Variants in FERMT1 observed in about 807,000 individuals in gnomAD.
FERMT1 encodes fermitin family homolog 1.
Under a neutral mutation model 85.3 loss-of-function variants are expected in FERMT1, and 60 were observed. The observed-to-expected ratio is 0.70, with a 90% CI of 0.57 to 0.87. The LOEUF (loss-of-function observed/expected upper bound fraction) is 0.87. Ranked by LOEUF, FERMT1 falls within the 40% of genes least tolerant of loss-of-function variation. The probability of loss-of-function intolerance (pLI) is 0.00; values close to 1 mark genes in which losing one functional copy is unlikely to be tolerated. For synonymous variants in FERMT1, 275 were observed against 301.1 expected, an observed-to-expected ratio of 0.91 and a Z score of 0.90; for missense variants, 701 against 818.9, an observed-to-expected ratio of 0.86 and a Z score of 1.76.
chr20:6,099,494 CA>C (rs944267307), intron 6 of FERMT1, among the ~76,000 whole-genome samples: 25 of 149,736 alleles, frequency 1.7e-4, no homozygotes, highest in African/African-American at 5.9e-4. Flanking sequence ...AAGCCAAATA[CA>C]AAAAAACAAA....
chr20:6,092,756 G>A (rs1451823989), intron 9 of FERMT1, among the ~76,000 whole-genome samples: 3 of 152,048 alleles, frequency 2.0e-5, no homozygotes, highest in African/African-American at 7.2e-5. Flanking sequence ...CTCACTTCCT[G>A]CTTCACACAG....
In FERMT1 at chr20:6,084,194, C is replaced by T. The variant is rs2232076; in HGVS notation, c.1594-30G>A. Reference sequence around the variant, plus strand: ...ACAGAAACAGACATCAACCTCTCTTCACATGCACCGGCTGCTCTGTGATCA... The same window carrying T: ...ACAGAAACAGACATCAACCTCTCTTTACATGCACCGGCTGCTCTGTGATCA... On this transcript the variant is annotated intron_variant, in intron 12 of 14. Coordinates refer to ENST00000217289, the MANE Select transcript of FERMT1 (RefSeq NM_017671.5). 1,966 of 1,593,876 alleles carry T rather than the reference C, an allele frequency of 1.2e-3. 21 individuals carry two copies. In the African/African-American group the frequency reaches 0.02, roughly 16 times the overall value.
At chr20:6,109,322 G>A (rs1259156661) in intron 5 of FERMT1, among the ~76,000 whole-genome samples, 1 of 152,186 alleles carries the variant, frequency 6.6e-6, no homozygotes, top group Non-Finnish European at 1.5e-5. Context: ...TTAAATGACA[G>A]GTAGGGACTG....
chr20:6,096,298 G>A lies in FERMT1; in HGVS notation c.1089+604C>T, dbSNP rs148272201. 4.6e-3 allele frequency among the ~76,000 whole-genome samples: 707 copies of A among 152,248 alleles called. 8 individuals carry two copies. The highest frequency in any genetic ancestry group is 0.017 in the African/African-American group (686 of 41,540). On this transcript the variant is annotated intron_variant, in intron 8 of 14. Transcript: ENST00000217289. Reference sequence around the variant, plus strand: ...CTCAACACTTTGGGATGCTGAGGTGGGAGAGTCACTTGAGCCCTGGAGTTA... The same window carrying A: ...CTCAACACTTTGGGATGCTGAGGTGAGAGAGTCACTTGAGCCCTGGAGTTA...
chr20:6,079,334 G>C, intron 14 of FERMT1, 102 bp downstream of exon 14: 1 of 1,236,622 alleles, frequency 8.1e-7, no homozygotes, highest in Admixed American at 1.7e-5. Flanking sequence ...TGGTTTCTTA[G>C]GTCTAAATAG....
intron 6 of FERMT1, among the ~76,000 whole-genome samples, chr20:6,099,561 G>A (rs1237283865): frequency 6.6e-6 from 1 of 152,068 alleles, no homozygotes; most frequent in African/African-American, 2.4e-5. Context: ...CATAAAGACA[G>A]AAAGTAGAAT....
rs1981788844 is a variant in FERMT1, at chr20:6,075,464, A to G, written c.*1709T>C. The G allele has an allele frequency of 1.3e-5, 2 of 152,326 alleles. No homozygotes were observed. Among genetic ancestry groups the G allele is most frequent in the African/African-American group, 2.4e-5 (1 of 41,440 alleles). The allele number at this position is 152,326 out of a possible 1,614,324, so 9.4% of individuals were successfully genotyped here. A position where few individuals can be genotyped will look rare whatever the true frequency, so the allele number is the denominator to read the frequency against. On this transcript the variant is annotated 3_prime_UTR_variant, in exon 15 of 15. Coordinates refer to ENST00000217289, the MANE Select transcript of FERMT1 (RefSeq NM_017671.5). ...TCAAGTTCTTTATGATGTGAACCAG[A>G]TTTTCCAAATGCCTAAACCACTTCT...
At chr20:6,113,003 T>C (rs912989659) in intron 3 of FERMT1, among the ~76,000 whole-genome samples, 3 of 152,244 alleles carry the variant, frequency 2.0e-5, no homozygotes, top group Admixed American at 6.5e-5. Flanking sequence ...CCTCTCCCCT[T>C]TCTTCCTGAT....
Position 6,079,471 on chromosome 20 carries a change from T to G in FERMT1, c.1825A>C (p.Ile609Leu). ...IPVTTWRFTN[I>L]KQWNVNWETR... Reference sequence around the variant, plus strand: ...TCCCAGTTTACATTCCACTGTTTGATATTTGTGAATCTCCATGTTGTCACT... The same window carrying G: ...TCCCAGTTTACATTCCACTGTTTGAGATTTGTGAATCTCCATGTTGTCACT... Residue 609 changes from isoleucine to leucine, a missense_variant, in exon 14 of 15, where the codon ATC becomes CTC. By Grantham distance (5) the Ile-to-Leu change is conservative. Coordinates refer to ENST00000217289, the MANE Select transcript of FERMT1 (RefSeq NM_017671.5). 2 of 1,614,188 alleles carry G rather than the reference T, an allele frequency of 1.2e-6. No individual in the cohort carries two copies. Among genetic ancestry groups the G allele is most frequent in the South Asian group, 2.2e-5 (2 of 91,084 alleles).
At chr20:6,081,264 A>G (rs1178791873) in intron 13 of FERMT1, among the ~76,000 whole-genome samples, 3 of 124,702 alleles carry the variant, frequency 2.4e-5, no homozygotes, top group East Asian at 3.3e-4. Flanking sequence ...CCTGCCTCTA[A>G]TTAAAAAAAA....
intron 6 of FERMT1, among the ~76,000 whole-genome samples, 185 bp from the exon 7 acceptor site, chr20:6,097,816 T>A (rs557214970): frequency 6.1e-4 from 92 of 151,994 alleles, no homozygotes; most frequent in Middle Eastern, 3.4e-3. Context: ...TTTTTTTTTT[T>A]AATTTTTTAT....
At chr20:6,102,404 C>T (rs986899973) in intron 6 of FERMT1, among the ~76,000 whole-genome samples, 4 of 151,962 alleles carry the variant, frequency 2.6e-5, no homozygotes, top group South Asian at 2.1e-4. Flanking sequence ...GAGATGGGCA[C>T]GGTGGCTCAA....
intron 13 of FERMT1, among the ~76,000 whole-genome samples, chr20:6,080,303 T>C (rs145113049): frequency 2.1e-3 from 316 of 152,224 alleles, no homozygotes; most frequent in Non-Finnish European, 2.8e-3. Context: ...AAGAAATCCT[T>C]CAGATTTTGT....
In FERMT1 at chr20:6,107,640, A is replaced by T; in HGVS notation, c.747-6T>A. The T allele has an allele frequency of 1.3e-6, 2 of 1,550,544 alleles. No homozygotes were observed. Among genetic ancestry groups the T allele is most frequent in the Non-Finnish European group, 1.8e-6 (2 of 1,122,584 alleles). Reference sequence around the variant, plus strand: ...AGCGTGAGGAGTCTAGCCAACTAGAAAATGACAGCATGAGTTTTAGAAGCC... The same window carrying T: ...AGCGTGAGGAGTCTAGCCAACTAGATAATGACAGCATGAGTTTTAGAAGCC... On this transcript the variant is annotated splice_region_variant and splice_polypyrimidine_tract_variant and intron_variant, in intron 5 of 14. Transcript: ENST00000217289.
intron 5 of FERMT1, among the ~76,000 whole-genome samples, chr20:6,109,431 C>T (rs1428797635): frequency 6.6e-6 from 1 of 152,138 alleles, no homozygotes; most frequent in Non-Finnish European, 1.5e-5. Context: ...TGGGAGGACA[C>T]GGAGACACCT....
intron 6 of FERMT1, among the ~76,000 whole-genome samples, chr20:6,099,246 T>C (rs1353241525): frequency 6.6e-6 from 1 of 151,706 alleles, no homozygotes; most frequent in African/African-American, 2.4e-5. Context: ...CTACTAAAAA[T>C]ACAAAAATTA....
intron 11 of FERMT1, among the ~76,000 whole-genome samples, chr20:6,086,890 A>G (rs896004517): frequency 1.3e-5 from 2 of 152,046 alleles, no homozygotes; most frequent in Non-Finnish European, 2.9e-5. Context: ...TCCCAGTCTC[A>G]GGTAGTTCTT....
At position 6,087,797 on chromosome 20, in the gene FERMT1, T is replaced by C; in HGVS notation, c.1351A>G (p.Met451Val). The change falls in exon 11 of 15, where the codon ATG becomes GTG. Residue 451 changes from methionine to valine, a missense_variant. Transcript: ENST00000217289. ...LIPVADGMNE[M>V]YLRCDHENQY... ...CTCACATGGTCACATCTCAAATACA[T>C]TTCATTCATACCATCGGCAACAGGG... 1.3e-6 allele frequency: 2 copies of C among 1,598,830 alleles called. No individual in the cohort carries two copies. The highest frequency in any genetic ancestry group is 1.3e-5 in the African/African-American group (1 of 74,688).
chr20:6,121,948 G>T (rs1983288123), intron 1 of FERMT1, among the ~76,000 whole-genome samples: 1 of 152,172 alleles, frequency 6.6e-6, no homozygotes, highest in Non-Finnish European at 1.5e-5. Flanking sequence ...TCATAACTTG[G>T]CATTGAACTG....
Sources: allele counts gnomAD v4.1 joint callset (sites outside exome capture counted in the v4.1 genomes callset), GRCh38; gene constraint gnomAD v4.1.1; transcripts MANE v1.5; gene names NCBI Gene and HGNC (gene_info 2026-07-23, HGNC 2026-07-21).